The following NFX1 variants were observed in gnomAD, a reference collection of about 807,000 sequenced individuals.
NFX1 encodes nuclear transcription factor, X-box binding 1.
A neutral mutation model predicts 137.2 loss-of-function variants in NFX1; 69 were observed. That is an observed-to-expected ratio of 0.50 (90% confidence interval 0.41 to 0.61). The LOEUF is 0.61. Among genes scored for constraint, NFX1 ranks in the 20% least tolerant of loss-of-function variants. NFX1 has a pLI of 0.00. For missense variants in NFX1, 1,167 were observed against 1,391.0 expected (o/e 0.84, Z 2.56); for synonymous variants, 495 against 474.1 (o/e 1.04, Z -0.57).
At position 33,364,733 on chromosome 9, in the gene NFX1, GT is replaced by G; in HGVS notation, c.3000del (p.Glu1001ArgfsTer11). On this transcript the variant is annotated frameshift_variant, in exon 21 of 24. Coordinates refer to ENST00000379540, the MANE Select transcript of NFX1 (RefSeq NM_002504.6). LOFTEE classifies it high-confidence loss of function. ...ARKDLKFVSDVEKEMETLVEA... is the reference protein window; with the variant it reads ...ARKDLKFVSDXEKEMETLVEA... ...GAAGGACTTAAAGTTTGTCAGTGAC[GT>G]TGAGAAGGAAATGGAAACCCTCGTG... is the stretch of plus-strand genomic sequence containing the variant. 1 of 1,613,714 alleles carries G rather than the reference GT, an allele frequency of 6.2e-7. No homozygotes were observed. Among genetic ancestry groups the G allele is most frequent in the East Asian group, 2.2e-5 (1 of 44,864 alleles).
chr9:33,369,555 A>G (rs1010977007), intron 23 of NFX1, among the ~76,000 whole-genome samples: 15 of 152,314 alleles, frequency 9.8e-5, no homozygotes, highest in African/African-American at 3.6e-4. Flanking sequence ...CGCTTGGCTT[A>G]AGCTGTTAAC....
intron 7 of NFX1, among the ~76,000 whole-genome samples, chr9:33,314,918 T>C (rs1180540327): frequency 1.3e-5 from 2 of 152,166 alleles, no homozygotes; most frequent in Non-Finnish European, 2.9e-5. Context: ...GTTTATTATA[T>C]GCTAGCTGTA....
intron 2 of NFX1, among the ~76,000 whole-genome samples, chr9:33,300,221 C>T (rs565770840): frequency 3.3e-5 from 5 of 151,704 alleles, no homozygotes; most frequent in South Asian, 2.1e-4. Context: ...CACTCCACCA[C>T]GCCCAGCTAA....
intron 13 of NFX1, among the ~76,000 whole-genome samples, 165 bp from the exon 14 acceptor site, chr9:33,343,899 TAATAA>T (rs1367934733): frequency 6.6e-6 from 1 of 152,196 alleles, no homozygotes; most frequent in Non-Finnish European, 1.5e-5. Flanking sequence ...AGCTTAGCTT[TAATAA>T]AATAAAAGTT....
At chr9:33,342,128 T>TCACACACACA (rs150408873) in intron 12 of NFX1, among the ~76,000 whole-genome samples, 5,304 of 146,122 alleles carry the variant, frequency 0.036, 279 homozygotes, top group African/African-American at 0.12. Flanking sequence ...TCTCTCTCTC[T>TCACACACACA]CACACACACA....
intron 10 of NFX1, among the ~76,000 whole-genome samples, chr9:33,330,228 CA>C (rs1822753628): frequency 6.6e-6 from 1 of 152,182 alleles, no homozygotes; most frequent in Admixed American, 6.5e-5. Context: ...ACATTTGTCC[CA>C]GTAGAGTACA....
At chr9:33,317,116 C>T (rs1053239069) in intron 7 of NFX1, among the ~76,000 whole-genome samples, 9 of 151,902 alleles carry the variant, frequency 5.9e-5, no homozygotes, top group East Asian at 1.9e-4. Flanking sequence ...AGTTTTAGAA[C>T]GGGGGAAAAA....
chr9:33,294,195 C>T (rs977883064), intron 1 of NFX1, among the ~76,000 whole-genome samples: 1 of 152,228 alleles, frequency 6.6e-6, no homozygotes. Context: ...CAACACTTAG[C>T]TGTCATTGGC....
chr9:33,296,984 T>C (rs1052328585), intron 2 of NFX1, among the ~76,000 whole-genome samples: 2 of 152,206 alleles, frequency 1.3e-5, no homozygotes, highest in African/African-American at 4.8e-5. Context: ...TGAAACATAG[T>C]AGGTACTCAG....
intron 15 of NFX1, among the ~76,000 whole-genome samples, chr9:33,349,255 A>C (rs1037999631): frequency 2.4e-4 from 36 of 152,184 alleles, no homozygotes; most frequent in African/African-American, 8.0e-4. Context: ...TTGGGTTAGG[A>C]GGCAGGCATG....
intron 7 of NFX1, among the ~76,000 whole-genome samples, chr9:33,316,183 CCT>C (rs1430108054): frequency 2.0e-5 from 3 of 152,112 alleles, no homozygotes; most frequent in Non-Finnish European, 4.4e-5. Flanking sequence ...TGTTCCAGCC[CCT>C]GTTTTTAATA....
At chr9:33,308,033 G>A (rs1821822597) in intron 5 of NFX1, among the ~76,000 whole-genome samples, 1 of 151,942 alleles carries the variant, frequency 6.6e-6, no homozygotes, top group Admixed American at 6.6e-5. Context: ...TCGAACTCCT[G>A]GGCTCAAGCA....
chr9:33,315,829 T>C (rs1587833622), intron 7 of NFX1, among the ~76,000 whole-genome samples: 1 of 151,296 alleles, frequency 6.6e-6, no homozygotes, highest in African/African-American at 2.4e-5. Flanking sequence ...GAGGCGGAGG[T>C]TGCAGTGAGC....
At chr9:33,298,849 A>G (rs1253002467) in intron 2 of NFX1, among the ~76,000 whole-genome samples, 1 of 152,220 alleles carries the variant, frequency 6.6e-6, no homozygotes, top group Non-Finnish European at 1.5e-5. Flanking sequence ...AGGACAAGTT[A>G]GGAGGCTATT....
intron 19 of NFX1, among the ~76,000 whole-genome samples, chr9:33,357,485 T>C (rs1291018360): frequency 6.6e-6 from 1 of 152,052 alleles, no homozygotes; most frequent in Non-Finnish European, 1.5e-5. Flanking sequence ...TGTCTTTGAT[T>C]ATTCTTTATT....
intron 10 of NFX1, 87 bp from the exon 11 acceptor site, chr9:33,332,385 T>C (rs1822839348): frequency 3.1e-6 from 4 of 1,275,900 alleles, no homozygotes; most frequent in Non-Finnish European, 4.5e-6. Flanking sequence ...ATATTTGGGA[T>C]ATTCTTGTTA....
rs1242176802 is a variant in NFX1, at chr9:33,338,548, C to T, written c.2074C>T (p.Arg692Trp). Residue 692 changes from arginine to tryptophan, a missense_variant, in exon 12 of 24, where the codon CGG becomes TGG. Transcript: ENST00000379540. ...FMCDKRCNKK[R>W]LCGRHKCNEI... ...GTGTGACAAGCGGTGTAACAAGAAA[C>T]GGTTGTGTGGACGGCATAAATGTAA... is the stretch of plus-strand genomic sequence containing the variant. 3 of 1,601,214 alleles carry T rather than the reference C, an allele frequency of 1.9e-6. No individual in the cohort carries two copies. The highest frequency in any genetic ancestry group is 2.7e-5 in the African/African-American group (2 of 73,706).
intron 18 of NFX1, 79 bp downstream of exon 18, chr9:33,354,266 C>T: frequency 8.6e-7 from 1 of 1,160,684 alleles, no homozygotes; most frequent in Non-Finnish European, 1.2e-6. Flanking sequence ...TCATTTATCT[C>T]AATCCTTCAT....
rs113745700 is a variant in NFX1 at position 33,298,783 on chromosome 9, C to CA, written c.1034-2469dup. On this transcript the variant is annotated intron_variant, in intron 2 of 23. Coordinates refer to ENST00000379540, the MANE Select transcript of NFX1 (RefSeq NM_002504.6). ...TGGGTGACAGAATAAGAACCTGTCT[C>CA]AAAAAAAAAAATATTATTAAGCTGC... is the stretch of plus-strand genomic sequence containing the variant. 1.4e-3 allele frequency among the ~76,000 whole-genome samples: 208 copies of CA among 145,764 alleles called. 2 individuals carry two copies. The highest frequency in any genetic ancestry group is 3.0e-3 in the African/African-American group (122 of 40,066).
Sources: gnomAD v4.1 joint callset for allele counts (sites outside exome capture counted in the v4.1 genomes callset) on GRCh38, gnomAD v4.1.1 for gene constraint, MANE v1.5 for transcripts, NCBI Gene and HGNC (gene_info 2026-07-23, HGNC 2026-07-21) for gene names.